SLC30A10: variants seen among roughly 807,000 people sequenced by gnomAD.
The protein encoded by SLC30A10 is calcium/manganese antiporter SLC30A10.
In SLC30A10, 8 loss-of-function variants were observed where a neutral mutation model predicts 21.7. The ratio of observed to expected loss-of-function variants is 0.37; its 90% CI spans 0.22 to 0.67. SLC30A10 has a LOEUF of 0.67. Among genes scored for constraint, SLC30A10 ranks in the 30% least tolerant of loss-of-function variants. The probability of loss-of-function intolerance (pLI) is 0.58; values close to 1 mark genes in which losing one functional copy is unlikely to be tolerated. For missense variants in SLC30A10, 521 were observed against 642.5 expected (o/e 0.81, Z 2.04); for synonymous variants, 272 against 279.4 (o/e 0.97, Z 0.26).
intron 1 of SLC30A10, among the ~76,000 whole-genome samples, chr1:219,951,090 A>T (rs1660261988): frequency 6.6e-6 from 1 of 152,164 alleles, no homozygotes; most frequent in African/African-American, 2.4e-5. Context: ...CTTCCCAAGT[A>T]GCTGGAACTA....
Position 219,915,327 on chromosome 1 carries a change from GA to G in SLC30A10, c.*121del. 1 of 1,263,378 alleles carries G rather than the reference GA, an allele frequency of 7.9e-7. No individual in the cohort carries two copies. Among genetic ancestry groups the G allele is most frequent in the Non-Finnish European group, 1.1e-6 (1 of 903,812 alleles). The allele number at this position is 1,263,378 out of a possible 1,614,324, so 78.3% of individuals were successfully genotyped here. A position where few individuals can be genotyped will look rare whatever the true frequency, so the allele number is the denominator to read the frequency against. Reference sequence around the variant, plus strand: ...AAATCCCAAACAGCCAACCCCTAGTGAACACAGAGCATGCATGCTGCAAGTC... The same window carrying G: ...AAATCCCAAACAGCCAACCCCTAGTGACACAGAGCATGCATGCTGCAAGTC... On this transcript the variant is annotated 3_prime_UTR_variant, in exon 4 of 4. Coordinates refer to ENST00000366926, the MANE Select transcript of SLC30A10 (RefSeq NM_018713.3).
rs757996490 is a variant in SLC30A10 at position 219,927,082 on chromosome 1, C to G, written c.664G>C (p.Glu222Gln). Residue 222 changes from glutamate (E) to glutamine (Q), a missense_variant, in exon 2 of 4, where the codon GAG becomes CAG. Coordinates refer to ENST00000366926, the MANE Select transcript of SLC30A10 (RefSeq NM_018713.3). Reference protein sequence around the residue: ...VAGDSFNTQNEPEDMMKKEKK... With the variant: ...VAGDSFNTQNQPEDMMKKEKK... ...TCTTTTTTCATCATGTCTTCTGGCT[C>G]ATTCTGGGTGTTGAAGGAATCACCT... 4 of 1,613,900 alleles carry G rather than the reference C, an allele frequency of 2.5e-6. No individual in the cohort carries two copies. The South Asian group carries it at 4.4e-5, about 18-fold the overall frequency.
chr1:219,956,779 C>T (rs1265723982), intron 1 of SLC30A10, among the ~76,000 whole-genome samples: 1 of 152,006 alleles, frequency 6.6e-6, no homozygotes, highest in African/African-American at 2.4e-5. Context: ...ATACCACTTC[C>T]CAAACAAAAG....
At position 219,914,031 on chromosome 1, in the gene SLC30A10, T is replaced by G. The variant is rs1659475054; in HGVS notation, c.*1418A>C. The G allele has an allele frequency of 1.5e-5, 2 of 132,012 alleles. No homozygotes were observed. Among genetic ancestry groups the G allele is most frequent in the South Asian group, 5.1e-4 (2 of 3,960 alleles). The allele number at this position is 132,012 out of a possible 1,614,324, so 8.2% of individuals were successfully genotyped here. ...TTAAATATGATGTTTGTTCTGTGGA[T>G]GCTGCCTTCATTATCAACCCAGCAC... On this transcript the variant is annotated 3_prime_UTR_variant, in exon 4 of 4. Transcript: ENST00000366926.
intron 2 of SLC30A10, among the ~76,000 whole-genome samples, chr1:219,921,556 A>G (rs1442039232): frequency 2.0e-5 from 3 of 152,194 alleles, no homozygotes; most frequent in African/African-American, 4.8e-5. Flanking sequence ...CCACAGTAAG[A>G]ATTATGTTTT....
At chr1:219,944,857 TAGC>T (rs1660167086) in intron 1 of SLC30A10, among the ~76,000 whole-genome samples, 1 of 152,052 alleles carries the variant, frequency 6.6e-6, no homozygotes, top group African/African-American at 2.4e-5. Flanking sequence ...AAAAGTAAAA[TAGC>T]AGTCTCAAGC....
At chr1:219,920,632 AT>A (rs1415470764) in intron 2 of SLC30A10, among the ~76,000 whole-genome samples, 21 of 152,306 alleles carry the variant, frequency 1.4e-4, no homozygotes, top group African/African-American at 4.8e-4. Flanking sequence ...TATTATTATT[AT>A]GCTAACTAAC....
intron 1 of SLC30A10, among the ~76,000 whole-genome samples, chr1:219,953,892 G>A (rs983971774): frequency 1.3e-5 from 2 of 151,312 alleles, no homozygotes; most frequent in Non-Finnish European, 2.9e-5. Context: ...ATATTTAGTA[G>A]AGATGGGGTT....
chr1:219,951,593 T>C (rs1368428492), intron 1 of SLC30A10, among the ~76,000 whole-genome samples: 2 of 150,878 alleles, frequency 1.3e-5, no homozygotes, highest in Non-Finnish European at 3.0e-5. Flanking sequence ...TGGTGGCGGG[T>C]GCCTGTAGTC....
chr1:219,955,219 A>G (rs989400601), intron 1 of SLC30A10, among the ~76,000 whole-genome samples: 2 of 152,112 alleles, frequency 1.3e-5, no homozygotes, highest in African/African-American at 4.8e-5. Context: ...ACACATGCAC[A>G]CACAAAGCCA....
Position 219,918,734 on chromosome 1 carries a change from A to C in SLC30A10, c.719-240T>G. 2.4e-6 allele frequency: 1 copy of C among 410,516 alleles called. No homozygotes were observed. Among genetic ancestry groups the C allele is most frequent in the South Asian group, 7.5e-5 (1 of 13,356 alleles). The allele number at this position is 410,516 out of a possible 1,614,324, so 25.4% of individuals were successfully genotyped here. Reference sequence around the variant, plus strand: ...AGAGCAACAGCCTAGGAAGATTCTGACCTGCAGGAAGAGCGACTGTGCCGT... The same window carrying C: ...AGAGCAACAGCCTAGGAAGATTCTGCCCTGCAGGAAGAGCGACTGTGCCGT... On this transcript the variant is annotated intron_variant, in intron 2 of 3. Coordinates refer to ENST00000366926, the MANE Select transcript of SLC30A10 (RefSeq NM_018713.3). This position sits in a 1 kb window ranked among gnomAD's most constrained non-coding sequence, Gnocchi z 4.4.
chr1:219,927,306 C>T (rs1659851436), intron 1 of SLC30A10, among the ~76,000 whole-genome samples: 1 of 152,124 alleles, frequency 6.6e-6, no homozygotes, highest in East Asian at 1.9e-4. Context: ...TTCACACATC[C>T]TTTCAAGTTA....
Position 219,915,296 on chromosome 1 carries a change from T to C in SLC30A10, c.*153A>G. On this transcript the variant is annotated 3_prime_UTR_variant, in exon 4 of 4. Transcript: ENST00000366926. ...TTACATAAAAATTCACAGACACGTTTAACTAAAATCCCAAACAGCCAACCC... is the reference window on the plus strand; with the variant it reads ...TTACATAAAAATTCACAGACACGTTCAACTAAAATCCCAAACAGCCAACCC... 1 of 886,866 alleles carries C rather than the reference T, an allele frequency of 1.1e-6. No individual in the cohort carries two copies. Among genetic ancestry groups the C allele is most frequent in the African/African-American group, 1.7e-5 (1 of 59,720 alleles). 54.9% of individuals were successfully genotyped at this position (886,866 alleles called of 1,614,324 possible). A position where few individuals can be genotyped will look rare whatever the true frequency, so the allele number is the denominator to read the frequency against.
At chr1:219,929,132 T>C (rs1367882298), upstream of SLC30A10, among the ~76,000 whole-genome samples, 1 of 152,236 alleles carries the variant, frequency 6.6e-6, no homozygotes, top group Non-Finnish European at 1.5e-5. Flanking sequence ...AACCCCAGGA[T>C]AAAGCTATTT....
chr1:219,958,028 T>C (rs1388252580), intron 1 of SLC30A10, among the ~76,000 whole-genome samples: 1 of 152,198 alleles, frequency 6.6e-6, no homozygotes, highest in Non-Finnish European at 1.5e-5. Flanking sequence ...CTATCTTCTT[T>C]ATTTTTTCTC....
chr1:219,941,863 CCAT>C (rs1342326678), intron 1 of SLC30A10, among the ~76,000 whole-genome samples: 1 of 152,198 alleles, frequency 6.6e-6, no homozygotes, highest in African/African-American at 2.4e-5. Flanking sequence ...GGAAAGGATA[CCAT>C]GTGTTTACCA....
Position 219,927,795 on chromosome 1 carries a change from A to C in SLC30A10, c.640+6T>G. The stretch of plus-strand genomic sequence containing the variant: ...AAGCGGTCCAAAGGATGCAACCGAA[A>C]GGCACCTGCTACGTTTGCGAACACG... On this transcript the variant is annotated splice_donor_region_variant and intron_variant, in intron 1 of 3. Coordinates refer to ENST00000366926, the MANE Select transcript of SLC30A10 (RefSeq NM_018713.3). The C allele has an allele frequency of 6.5e-7, 1 of 1,534,228 alleles. No homozygotes were observed.
At chr1:219,936,956 T>C (rs867833614) in intron 1 of SLC30A10, among the ~76,000 whole-genome samples, 3 of 152,220 alleles carry the variant, frequency 2.0e-5, no homozygotes, top group African/African-American at 7.2e-5. Flanking sequence ...TTTCATACCA[T>C]GGCTTTCCAA....
At chr1:219,945,282 C>T (rs541684156) in intron 1 of SLC30A10, among the ~76,000 whole-genome samples, 3 of 152,106 alleles carry the variant, frequency 2.0e-5, no homozygotes, top group South Asian at 4.2e-4. Flanking sequence ...ACAAAAATCT[C>T]GTAGAATTAT....
Sources: gnomAD v4.1 joint callset for allele counts (sites outside exome capture counted in the v4.1 genomes callset) on GRCh38, gnomAD v4.1.1 for gene constraint, Gnocchi (gnomAD v3.1) non-coding constraint, MANE v1.5 for transcripts, NCBI Gene and HGNC (gene_info 2026-07-23, HGNC 2026-07-21) for gene names.